The following SYNE1 variants were observed in gnomAD, a reference collection of about 807,000 sequenced individuals.
SYNE1 encodes the protein nesprin-1.
A neutral mutation model predicts 1,111.0 loss-of-function variants in SYNE1; 616 were observed. The ratio of observed to expected loss-of-function variants is 0.55; its 90% CI spans 0.52 to 0.59. The LOEUF (loss-of-function observed/expected upper bound fraction) is 0.59, where lower values mean the gene tolerates loss of function less well. Among genes scored for constraint, SYNE1 ranks in the 20% least tolerant of loss-of-function variants. The pLI, the probability that SYNE1 is intolerant of heterozygous loss-of-function variation, is 0.00. For synonymous variants in SYNE1, 3,855 were observed against 3,825.8 expected, an observed-to-expected ratio of 1.01 and a Z score of -0.28; for missense variants, 10,006 against 10,417.0, an observed-to-expected ratio of 0.96 and a Z score of 1.72.
chr6:152,505,169 G>A (rs370857554), intron 9 of SYNE1, 32 bp downstream of exon 9: 370 of 1,607,976 alleles, frequency 2.3e-4, no homozygotes, highest in Non-Finnish European at 3.0e-4. Flanking sequence ...TCCGTGTTAA[G>A]GTATATAACA....
At chr6:152,421,114 T>C (rs372499453) in intron 39 of SYNE1, among the ~76,000 whole-genome samples, 32 of 152,316 alleles carry the variant, frequency 2.1e-4, no homozygotes, top group African/African-American at 7.7e-4. Flanking sequence ...CTTGGGAAGA[T>C]TGGCCTTATA....
chr6:152,623,436 G>T (rs1395751606), intron 3 of SYNE1, among the ~76,000 whole-genome samples: 1 of 152,006 alleles, frequency 6.6e-6, no homozygotes, highest in Non-Finnish European at 1.5e-5. Context: ...GACAACCTGG[G>T]CAATACCATT....
intron 66 of SYNE1, among the ~76,000 whole-genome samples, chr6:152,356,118 G>A (rs1422380933): frequency 6.6e-6 from 1 of 151,620 alleles, no homozygotes; most frequent in East Asian, 1.9e-4. Flanking sequence ...CTTTTTCTAT[G>A]AAAGGCCTGA....
In SYNE1 at chr6:152,232,253, T is replaced by C; in HGVS notation, c.20725A>G (p.Lys6909Glu). The C allele has an allele frequency of 6.2e-7, 1 of 1,613,994 alleles. No individual in the cohort carries two copies. Among genetic ancestry groups the C allele is most frequent in the South Asian group, 1.1e-5 (1 of 91,080 alleles). The change falls in exon 113 of 146, where the codon AAA becomes GAA. Residue 6909 changes from lysine to glutamate, a missense_variant. Lys to Glu is a moderately conservative substitution (Grantham distance 56, BLOSUM62 1). Around this residue, in one of 7 missense-constraint regions of SYNE1, gnomAD observed 2,182 missense variants for 2,287.8 expected, o/e 0.95. Coordinates refer to ENST00000367255, the MANE Select transcript of SYNE1 (RefSeq NM_182961.4). ...QEKLHQLQMDKLPSRHAISEV... is the reference protein window; with the variant it reads ...QEKLHQLQMDELPSRHAISEV... ...GAAATGGCATGGCGGGAAGGCAGTT[T>C]ATCCATCTGGAGCTGTCCAAGTCAG...
chr6:152,511,169 C>T, intron 6 of SYNE1, 66 bp from the exon 7 acceptor site: 9 of 1,397,486 alleles, frequency 6.4e-6, no homozygotes, highest in Non-Finnish European at 9.1e-6. Flanking sequence ...AATTATGTAA[C>T]AATTAGGCCT....
Position 152,129,552 on chromosome 6 carries a change from A to G in SYNE1, c.26153+1168T>C, listed in dbSNP as rs372477243. The G allele has an allele frequency of 1.0e-3, 114 of 109,320 alleles. No individual in the cohort carries two copies. In the Middle Eastern group the frequency reaches 0.013, roughly 13 times the overall value. 6.8% of individuals were successfully genotyped at this position (109,320 alleles called of 1,614,324 possible). ...ATACTTTATTATTGCTATTTTGTTTAGGCTAGAAAAAAAAAAACTCATAAA... is the reference window on the plus strand; with the variant it reads ...ATACTTTATTATTGCTATTTTGTTTGGGCTAGAAAAAAAAAAACTCATAAA... On this transcript the variant is annotated intron_variant, in intron 145 of 145. Transcript: ENST00000367255.
chr6:152,246,167 A>G (rs1588634992), intron 105 of SYNE1, among the ~76,000 whole-genome samples: 1 of 152,206 alleles, frequency 6.6e-6, no homozygotes, highest in East Asian at 1.9e-4. Flanking sequence ...ATCATGTTCC[A>G]TCCACACACA....
chr6:152,302,726 G>A (rs2095241290), intron 91 of SYNE1, among the ~76,000 whole-genome samples: 1 of 152,100 alleles, frequency 6.6e-6, no homozygotes, highest in African/African-American at 2.4e-5. Flanking sequence ...ATGTTGCTGA[G>A]GCTTTAACTA....
intron 137 of SYNE1, chr6:152,147,751 C>T (rs927539172): frequency 7.6e-6 from 3 of 396,670 alleles, no homozygotes; most frequent in South Asian, 6.5e-5. Context: ...ACAGTGGTTT[C>T]TCACTGTGTC....
In SYNE1 at chr6:152,451,208, A is replaced by G; in HGVS notation, c.3028-3T>C. 1 of 1,613,894 alleles carries G rather than the reference A, an allele frequency of 6.2e-7. No individual in the cohort carries two copies. ...TAAGGGGCTTCTCCTTGAAGATCCT[A>G]CATTCCATAGGAAGATTCAGAAAAT... is the stretch of plus-strand genomic sequence containing the variant. On this transcript the variant is annotated splice_region_variant and splice_polypyrimidine_tract_variant and intron_variant, in intron 25 of 145. Coordinates refer to ENST00000367255, the MANE Select transcript of SYNE1 (RefSeq NM_182961.4).
chr6:152,605,341 A>G (rs915710028), intron 3 of SYNE1, among the ~76,000 whole-genome samples: 2 of 152,124 alleles, frequency 1.3e-5, no homozygotes, highest in Non-Finnish European at 2.9e-5. Context: ...CTAACTAGGA[A>G]TGAAGAAATA....
At position 152,180,939 on chromosome 6, in the gene SYNE1, T is replaced by G. The variant is rs148486639; in HGVS notation, c.23302-645A>C. On this transcript the variant is annotated intron_variant, in intron 128 of 145. Transcript: ENST00000367255. ...TAATTTTGTTTCTTTTCCTTCTTTT[T>G]TTTTCGCATGACAGATTTATTAAGA... 2.6e-3 allele frequency among the ~76,000 whole-genome samples: 397 copies of G among 152,202 alleles called. 4 individuals are homozygous for G. Among genetic ancestry groups the G allele is most frequent in the Admixed American group, 0.02 (312 of 15,294 alleles).
At chr6:152,234,463 A>G (rs1243644829) in intron 111 of SYNE1, among the ~76,000 whole-genome samples, 10 of 151,778 alleles carry the variant, frequency 6.6e-5, no homozygotes, top group Admixed American at 6.6e-4. Context: ...CCCGGCTAAT[A>G]TTTGTATTTT....
intron 2 of SYNE1, among the ~76,000 whole-genome samples, chr6:152,629,071 T>C (rs1453563221): frequency 6.6e-6 from 1 of 152,226 alleles, no homozygotes; most frequent in Non-Finnish European, 1.5e-5. Context: ...GAGTTTCAAG[T>C]ACTCCAATTT....
intron 103 of SYNE1, among the ~76,000 whole-genome samples, 161 bp from the exon 104 acceptor site, chr6:152,255,250 G>A (rs1325730527): frequency 5.9e-5 from 9 of 152,106 alleles, no homozygotes; most frequent in Non-Finnish European, 2.9e-5. Context: ...ATACATTTCA[G>A]GAAGTTGCTC....
In SYNE1 at chr6:152,407,039, G is replaced by A. The variant is rs1288297755; in HGVS notation, c.6698C>T (p.Ala2233Val). 3 of 1,613,216 alleles carry A rather than the reference G, an allele frequency of 1.9e-6. No homozygotes were observed. The highest frequency in any genetic ancestry group is 2.5e-6 in the Non-Finnish European group (3 of 1,179,932). ...NISNLDNHLR[A>V]EELLKEFESE... ...CTCAAATTCTTTAAGCAGTTCTTCA[G>A]CTCTGAGGTGGTTATCCAGGTTGCT... Residue 2233 changes from alanine to valine, a missense_variant, in exon 45 of 146, where the codon GCT (alanine) becomes GTT (valine). Transcript: ENST00000367255.
intron 74 of SYNE1, among the ~76,000 whole-genome samples, chr6:152,341,057 G>A (rs2096525834): frequency 6.6e-6 from 1 of 152,204 alleles, no homozygotes; most frequent in African/African-American, 2.4e-5. Flanking sequence ...ACTCCAATCT[G>A]AGTATTTTTC....
intron 3 of SYNE1, among the ~76,000 whole-genome samples, chr6:152,578,609 A>G (rs943378076): frequency 2.6e-5 from 4 of 152,144 alleles, no homozygotes; most frequent in Middle Eastern, 3.2e-3. Flanking sequence ...ACAAAATAAA[A>G]AAACAAAAAT....
chr6:152,602,298 G>A (rs2099598058), intron 3 of SYNE1, among the ~76,000 whole-genome samples: 1 of 152,124 alleles, frequency 6.6e-6, no homozygotes, highest in Non-Finnish European at 1.5e-5. Flanking sequence ...AGAAAGAGGG[G>A]AAATTTGGAC....
Sources: allele counts gnomAD v4.1 joint callset (sites outside exome capture counted in the v4.1 genomes callset), GRCh38; gene constraint gnomAD v4.1.1; regional missense constraint gnomAD v4.1.1; transcripts MANE v1.5; gene names NCBI Gene and HGNC (gene_info 2026-07-23, HGNC 2026-07-21).